NRG3: variants seen among roughly 807,000 people sequenced by gnomAD.
NRG3 encodes pro-neuregulin-3, membrane-bound isoform.
A neutral mutation model predicts 66.9 loss-of-function variants in NRG3; 31 were observed. That is an observed-to-expected ratio of 0.46 (90% CI 0.35 to 0.63). The LOEUF (loss-of-function observed/expected upper bound fraction) is 0.63. Ranked by LOEUF, NRG3 falls within the 20% of genes least tolerant of loss-of-function variation. NRG3 has a pLI of 0.00. For synonymous variants in NRG3, 393 were observed against 359.4 expected (o/e 1.09, Z -1.06); for missense variants, 910 against 878.9 (o/e 1.04, Z -0.45).
intron 1 of NRG3, among the ~76,000 whole-genome samples, chr10:82,195,284 G>A (rs543090856): frequency 3.0e-4 from 46 of 152,154 alleles, no homozygotes; most frequent in Non-Finnish European, 4.9e-4. Flanking sequence ...CCATGGACAC[G>A]TGCAGTTGAG....
intron 1 of NRG3, among the ~76,000 whole-genome samples, chr10:82,333,925 C>G (rs1029760235): frequency 1.3e-5 from 2 of 152,128 alleles, no homozygotes; most frequent in African/African-American, 4.8e-5. Flanking sequence ...GGCGGTGACT[C>G]ACGCCTGTAA....
At chr10:81,989,086 G>C (rs2133552559) in intron 1 of NRG3, among the ~76,000 whole-genome samples, 1 of 152,188 alleles carries the variant, frequency 6.6e-6, no homozygotes, top group East Asian at 1.9e-4. Flanking sequence ...TAGGACATCT[G>C]AATATATTAG....
intron 1 of NRG3, among the ~76,000 whole-genome samples, chr10:82,307,266 T>C (rs1354340472): frequency 6.6e-6 from 1 of 152,190 alleles, no homozygotes; most frequent in Non-Finnish European, 1.5e-5. Context: ...CTTTTCCATA[T>C]TTTTAAGTCC....
At chr10:82,735,170 G>A (rs1055180625) in intron 2 of NRG3, among the ~76,000 whole-genome samples, 17 of 152,034 alleles carry the variant, frequency 1.1e-4, no homozygotes, top group South Asian at 2.1e-4. Flanking sequence ...ACAATGTCTC[G>A]GCTCTTGTGA....
chr10:82,461,334 C>T (rs1037012132), intron 2 of NRG3, among the ~76,000 whole-genome samples: 1 of 151,896 alleles, frequency 6.6e-6, no homozygotes, highest in Non-Finnish European at 1.5e-5. Context: ...ACCACCACCA[C>T]CATCACCACC....
At chr10:82,647,210 T>G (rs1020116884) in intron 2 of NRG3, among the ~76,000 whole-genome samples, 29 of 151,928 alleles carry the variant, frequency 1.9e-4, no homozygotes, top group African/African-American at 6.5e-4. Context: ...TGTGTCCATG[T>G]GTTCTCATTG....
intron 1 of NRG3, among the ~76,000 whole-genome samples, chr10:82,038,682 G>A (rs1326861465): frequency 6.6e-6 from 1 of 152,106 alleles, no homozygotes; most frequent in Non-Finnish European, 1.5e-5. Context: ...GAGCCTAGTG[G>A]TAGTTAATCC....
intron 2 of NRG3, among the ~76,000 whole-genome samples, chr10:82,609,813 C>A (rs1465991860): frequency 1.3e-5 from 2 of 152,168 alleles, no homozygotes; most frequent in South Asian, 2.1e-4. Context: ...TTAATGTTAT[C>A]CCACAACCCT....
intron 1 of NRG3, among the ~76,000 whole-genome samples, chr10:82,028,634 C>G (rs1259265548): frequency 6.6e-6 from 1 of 152,086 alleles, no homozygotes; most frequent in Admixed American, 6.6e-5. Context: ...AAGCAACATT[C>G]TGCCCTCAGA....
At chr10:82,047,283 C>A (rs892457797) in intron 1 of NRG3, among the ~76,000 whole-genome samples, 3 of 151,966 alleles carry the variant, frequency 2.0e-5, no homozygotes, top group Non-Finnish European at 4.4e-5. Context: ...AGAGCAACTC[C>A]AAGACACATG....
chr10:81,901,125 A>G (rs2132653718), intron 1 of NRG3, among the ~76,000 whole-genome samples: 1 of 152,306 alleles, frequency 6.6e-6, no homozygotes, highest in East Asian at 1.9e-4. Flanking sequence ...GGGGCAGGGA[A>G]GGTACAGTGT....
chr10:82,351,018 A>G (rs1327640989), intron 1 of NRG3, among the ~76,000 whole-genome samples: 2 of 151,936 alleles, frequency 1.3e-5, no homozygotes, highest in African/African-American at 2.4e-5. Flanking sequence ...CAGCCTCCCA[A>G]GTAGCTGGGA....
chr10:82,512,436 C>T lies in NRG3; in HGVS notation c.953+153568C>T, dbSNP rs957100645. Among the ~76,000 whole-genome samples the T allele has an allele frequency of 2.6e-5, 4 of 152,086 alleles. No homozygotes were observed. In the East Asian group the frequency reaches 7.7e-4, roughly 29 times the overall value. ...AAGTAGCTGAGATTATAGGCATATG[C>T]CACCACGCTTGGCTAATTTTTGTAT... On this transcript the variant is annotated intron_variant, in intron 2 of 8. Transcript: ENST00000372141.
intron 1 of NRG3, among the ~76,000 whole-genome samples, chr10:82,089,615 C>A (rs1253651106): frequency 6.6e-6 from 1 of 152,118 alleles, no homozygotes; most frequent in Non-Finnish European, 1.5e-5. Flanking sequence ...AATCCAGTGA[C>A]CTCTTTTAGT....
chr10:82,461,174 A>G (rs1004845805), intron 2 of NRG3, among the ~76,000 whole-genome samples: 2 of 151,940 alleles, frequency 1.3e-5, no homozygotes, highest in Admixed American at 6.6e-5. Flanking sequence ...CACCACTATC[A>G]TCAACACCAT....
At chr10:82,781,625 C>T (rs2060121239) in intron 3 of NRG3, among the ~76,000 whole-genome samples, 1 of 151,884 alleles carries the variant, frequency 6.6e-6, no homozygotes, top group Admixed American at 6.6e-5. Flanking sequence ...ATGTTCATAC[C>T]CCAAAGCAAG....
intron 2 of NRG3, among the ~76,000 whole-genome samples, chr10:82,564,808 T>C (rs979749436): frequency 6.6e-6 from 1 of 152,128 alleles, no homozygotes; most frequent in Non-Finnish European, 1.5e-5. Context: ...TGACATTCTC[T>C]GAGTGCTCAG....
chr10:82,940,367 A>G (rs1391929182), intron 4 of NRG3, among the ~76,000 whole-genome samples: 1 of 152,046 alleles, frequency 6.6e-6, no homozygotes, highest in Non-Finnish European at 1.5e-5. Context: ...TCACTCTTTG[A>G]TGTTCCTAAG....
intron 1 of NRG3, among the ~76,000 whole-genome samples, chr10:82,149,749 TAATA>T (rs1000307498): frequency 6.6e-6 from 1 of 151,542 alleles, no homozygotes; most frequent in Non-Finnish European, 1.5e-5. Flanking sequence ...AATGTCAGAC[TAATA>T]AATGGACTGC....
Sources: allele counts gnomAD v4.1 joint callset (sites outside exome capture counted in the v4.1 genomes callset), GRCh38; gene constraint gnomAD v4.1.1; transcripts MANE v1.5; gene names NCBI Gene and HGNC (gene_info 2026-07-23, HGNC 2026-07-21).